AOAH: variants seen among roughly 807,000 people sequenced by gnomAD.
AOAH encodes the protein acyloxyacyl hydrolase (neutrophil).
In AOAH, 64 loss-of-function variants were observed where a neutral mutation model predicts 92.2. The observed-to-expected ratio is 0.69, with a 90% confidence interval of 0.57 to 0.86. The LOEUF (loss-of-function observed/expected upper bound fraction) is 0.86. Among genes scored for constraint, AOAH ranks in the 40% least tolerant of loss-of-function variants. The pLI, the probability that AOAH is intolerant of heterozygous loss-of-function variation, is 0.00. For synonymous variants in AOAH, 263 were observed against 254.5 expected (o/e 1.03, Z -0.32); for missense variants, 656 against 694.6 (o/e 0.94, Z 0.62).
intron 18 of AOAH, 62 bp from the exon 19 acceptor site, chr7:36,530,576 T>C: frequency 9.0e-7 from 1 of 1,113,182 alleles, no homozygotes; most frequent in Non-Finnish European, 1.4e-6. Flanking sequence ...AGTGAGACAA[T>C]TCAGGCAGAA....
chr7:36,534,686 C>T (rs1450675025), intron 16 of AOAH, among the ~76,000 whole-genome samples: 1 of 152,100 alleles, frequency 6.6e-6, no homozygotes, highest in Non-Finnish European at 1.5e-5. Context: ...GCCTATTGAT[C>T]CTACTTCTAT....
At position 36,516,037 on chromosome 7, in the gene AOAH, C is replaced by T. The variant is rs868166911; in HGVS notation, c.1600-2657G>A. On this transcript the variant is annotated intron_variant, in intron 20 of 20. Coordinates refer to ENST00000617537, the MANE Select transcript of AOAH (RefSeq NM_001637.4). The surrounding 1 kb of genome is among the most constrained non-coding windows in gnomAD (Gnocchi z 5.0). ...CACAACCCCACACAACACATAAATA[C>T]GTCACACACACACACACCACACACT... Among the ~76,000 whole-genome samples the T allele has an allele frequency of 2.0e-5, 3 of 147,262 alleles. No homozygotes were observed. The highest frequency in any genetic ancestry group is 2.2e-4 in the South Asian group (1 of 4,504).
At chr7:36,526,366 G>A (rs1784396414) in intron 19 of AOAH, among the ~76,000 whole-genome samples, 1 of 152,200 alleles carries the variant, frequency 6.6e-6, no homozygotes, top group Admixed American at 6.5e-5. Flanking sequence ...TAACTCACAG[G>A]CAAGTGTTTA....
At chr7:36,648,951 C>T (rs1794407381) in intron 4 of AOAH, among the ~76,000 whole-genome samples, 1 of 152,136 alleles carries the variant, frequency 6.6e-6, no homozygotes, top group African/African-American at 2.4e-5. Flanking sequence ...TACAACGTTA[C>T]AACCAACAAT....
chr7:36,682,776 G>A (rs946148639), intron 2 of AOAH, among the ~76,000 whole-genome samples: 1 of 151,764 alleles, frequency 6.6e-6, no homozygotes, highest in African/African-American at 2.4e-5. Flanking sequence ...TGAAATAGAA[G>A]GTAGAGAGGA....
At chr7:36,585,021 G>A (rs892107424) in intron 12 of AOAH, among the ~76,000 whole-genome samples, 1 of 152,114 alleles carries the variant, frequency 6.6e-6, no homozygotes, top group Non-Finnish European at 1.5e-5. Flanking sequence ...GGAAGGTGGA[G>A]CATGAGACAA....
chr7:36,628,748 C>G (rs571388777), intron 6 of AOAH, among the ~76,000 whole-genome samples: 38 of 152,118 alleles, frequency 2.5e-4, no homozygotes, highest in Non-Finnish European at 5.1e-4. Context: ...AGGCACTGGG[C>G]AGGTAAGGCA....
At chr7:36,535,236 G>A (rs1784980163) in intron 16 of AOAH, among the ~76,000 whole-genome samples, 1 of 152,064 alleles carries the variant, frequency 6.6e-6, no homozygotes, top group Non-Finnish European at 1.5e-5. Context: ...TTTGCCATAA[G>A]CTCCTCTGAA....
chr7:36,602,356 G>C (rs533143666), intron 11 of AOAH, among the ~76,000 whole-genome samples: 1 of 151,174 alleles, frequency 6.6e-6, no homozygotes, highest in African/African-American at 2.4e-5. Flanking sequence ...TGAATGAGTC[G>C]AGGGATGCAT....
chr7:36,555,916 T>G (rs1158821781), intron 13 of AOAH, among the ~76,000 whole-genome samples: 1 of 152,238 alleles, frequency 6.6e-6, no homozygotes, highest in Non-Finnish European at 1.5e-5. Flanking sequence ...TCAATTTTGT[T>G]GATCCTTTCA....
intron 4 of AOAH, among the ~76,000 whole-genome samples, chr7:36,649,741 G>A (rs1242287302): frequency 6.6e-6 from 1 of 152,142 alleles, no homozygotes; most frequent in Non-Finnish European, 1.5e-5. Context: ...TACGACTTGA[G>A]CTGAGCTTTC....
At chr7:36,701,493 TATA>T (rs1798033200) in intron 1 of AOAH, among the ~76,000 whole-genome samples, 1 of 150,302 alleles carries the variant, frequency 6.7e-6, no homozygotes, top group Non-Finnish European at 1.5e-5. Context: ...TATATATAAA[TATA>T]ATAATTATTA....
intron 1 of AOAH, among the ~76,000 whole-genome samples, chr7:36,720,945 C>T (rs1799591520): frequency 1.3e-5 from 2 of 152,168 alleles, no homozygotes; most frequent in Admixed American, 1.3e-4. Context: ...GTTAGAAGAA[C>T]TCCAATCAAC....
At chr7:36,658,864 A>G (rs1229985015) in intron 4 of AOAH, among the ~76,000 whole-genome samples, 1 of 152,140 alleles carries the variant, frequency 6.6e-6, no homozygotes, top group Non-Finnish European at 1.5e-5. Context: ...GACTTGCTTG[A>G]TTTTTAAGTG....
In AOAH at chr7:36,513,014, A is replaced by G. The variant is rs777085482; in HGVS notation, c.*238T>C. The stretch of plus-strand genomic sequence containing the variant: ...TACTCTCTTGTTTGGAATGGCACCC[A>G]AAGCACTTTATGAAAGGTTATTTCA... On this transcript the variant is annotated 3_prime_UTR_variant, in exon 21 of 21. Coordinates refer to ENST00000617537, the MANE Select transcript of AOAH (RefSeq NM_001637.4). 9 of 1,526,106 alleles carry G rather than the reference A, an allele frequency of 5.9e-6. No homozygotes were observed. In the South Asian group the frequency reaches 1.1e-4, roughly 18 times the overall value. The allele number at this position is 1,526,106 out of a possible 1,614,324, so 94.5% of individuals were successfully genotyped here.
intron 4 of AOAH, among the ~76,000 whole-genome samples, chr7:36,644,047 A>G (rs919473870): frequency 1.3e-5 from 2 of 152,278 alleles, no homozygotes; most frequent in African/African-American, 4.8e-5. Flanking sequence ...GCCATGAATT[A>G]CATGCTGGGG....
intron 11 of AOAH, among the ~76,000 whole-genome samples, chr7:36,615,432 C>T (rs527724558): frequency 6.6e-6 from 1 of 152,312 alleles, no homozygotes; most frequent in African/African-American, 2.4e-5. Context: ...TTATTTTGCA[C>T]TGAGCCCTGC....
intron 11 of AOAH, among the ~76,000 whole-genome samples, chr7:36,601,266 T>C (rs2115673747): frequency 6.6e-6 from 1 of 152,322 alleles, no homozygotes; most frequent in Admixed American, 6.5e-5. Context: ...TTGTAAACCT[T>C]ATAATCTCCC....
intron 16 of AOAH, among the ~76,000 whole-genome samples, chr7:36,535,200 TG>T (rs984442580): frequency 2.0e-5 from 3 of 151,972 alleles, no homozygotes; most frequent in Non-Finnish European, 4.4e-5. Flanking sequence ...GTGTGTGTTG[TG>T]GGGAGCCAGC....
Sources: gnomAD v4.1 joint callset for allele counts (sites outside exome capture counted in the v4.1 genomes callset) on GRCh38, gnomAD v4.1.1 for gene constraint, Gnocchi (gnomAD v3.1) non-coding constraint, MANE v1.5 for transcripts, NCBI Gene and HGNC (gene_info 2026-07-23, HGNC 2026-07-21) for gene names.